Variants in TPD52 observed in about 807,000 individuals in gnomAD.
TPD52 encodes the protein tumor protein D52, also known as prostate and colon associated protein.
TPD52 carries 17 observed loss-of-function variants against 31.3 expected under a neutral mutation model. That is an observed-to-expected ratio of 0.54 (90% CI 0.37 to 0.82). TPD52 has a LOEUF of 0.82. Among genes scored for constraint, TPD52 ranks in the 40% least tolerant of loss-of-function variants. The probability of loss-of-function intolerance (pLI) is 0.00; values close to 1 mark genes in which losing one functional copy is unlikely to be tolerated. For missense variants in TPD52, 212 were observed against 240.1 expected (o/e 0.88, Z 0.77); for synonymous variants, 83 against 89.6 (o/e 0.93, Z 0.42).
At chr8:80,154,770 T>C (rs80328619) in intron 1 of TPD52, among the ~76,000 whole-genome samples, 1 of 149,648 alleles carries the variant, frequency 6.7e-6, no homozygotes, top group African/African-American at 2.5e-5. Flanking sequence ...CTACATTAGC[T>C]TTGAAGTAGC....
At position 80,086,435 on chromosome 8, in the gene TPD52, A is replaced by C. The variant is rs557913319; in HGVS notation, c.20-21842T>G. On this transcript the variant is annotated intron_variant, in intron 1 of 7. Transcript: ENST00000518937. ...CCTGACCGGAAGGTTCTAGTTTTTA[A>C]AAGAGGAGGGGCTGCATTCTTCAAA... 7.2e-5 allele frequency among the ~76,000 whole-genome samples: 11 copies of C among 151,998 alleles called. No individual in the cohort carries two copies. In the South Asian group the frequency reaches 2.3e-3, roughly 32 times the overall value.
intron 1 of TPD52, among the ~76,000 whole-genome samples, chr8:80,071,928 C>T (rs1443018168): frequency 6.6e-6 from 1 of 152,178 alleles, no homozygotes; most frequent in African/African-American, 2.4e-5. Context: ...GCACCTGCCC[C>T]ATCTCCTGCT....
chr8:80,080,220 A>T, intron 1 of TPD52: 2 of 1,103,042 alleles, frequency 1.8e-6, no homozygotes, highest in Non-Finnish European at 2.7e-6. Flanking sequence ...CCACCCTGGT[A>T]CATCTTTACA....
At chr8:80,148,464 TA>T (rs1245298261) in intron 1 of TPD52, among the ~76,000 whole-genome samples, 1 of 152,148 alleles carries the variant, frequency 6.6e-6, no homozygotes, top group Non-Finnish European at 1.5e-5. Context: ...CACCTGGCCC[TA>T]AATTGTTTTT....
In TPD52 at chr8:80,162,465, G is replaced by C. The variant is rs1385667541; in HGVS notation, c.19+8960C>G. 2.0e-5 allele frequency among the ~76,000 whole-genome samples: 3 copies of C among 151,952 alleles called. No individual in the cohort carries two copies. The East Asian group carries it at 5.8e-4, about 29-fold the overall frequency. On this transcript the variant is annotated intron_variant, in intron 1 of 7. Coordinates refer to ENST00000518937, the MANE Select transcript of TPD52 (RefSeq NM_001025253.3). ...ACATCTATAACCTCTCTAGGAAACA[G>C]ACAAATTGAAGCCTATAAGCTCTGT...
chr8:80,042,045 C>T (rs535759158), intron 7 of TPD52: 8 of 382,432 alleles, frequency 2.1e-5, no homozygotes, highest in African/African-American at 2.2e-5. Flanking sequence ...GCCAAGATCA[C>T]GCCACTGCAC....
chr8:80,142,006 A>G (rs1809864895), intron 1 of TPD52, among the ~76,000 whole-genome samples: 1 of 145,550 alleles, frequency 6.9e-6, no homozygotes, highest in Non-Finnish European at 1.5e-5. Flanking sequence ...TAGCCACACC[A>G]TCTTCATCTG....
intron 1 of TPD52, among the ~76,000 whole-genome samples, chr8:80,121,012 G>T (rs1399713854): frequency 6.6e-6 from 1 of 151,528 alleles, no homozygotes; most frequent in Non-Finnish European, 1.5e-5. Context: ...AACCAGGGAG[G>T]CAGAGGTTGC....
At chr8:80,086,227 C>T (rs1333826406) in intron 1 of TPD52, among the ~76,000 whole-genome samples, 2 of 148,118 alleles carry the variant, frequency 1.4e-5, no homozygotes, top group African/African-American at 5.0e-5. Context: ...AAGTGATTCT[C>T]CTAACCTCAG....
chr8:80,104,176 GAAGTT>G lies in TPD52; in HGVS notation c.20-39588_20-39584del, dbSNP rs1252842799. Among the ~76,000 whole-genome samples the G allele has an allele frequency of 2.0e-5, 3 of 152,144 alleles. No individual in the cohort carries two copies. The East Asian group carries it at 5.8e-4, about 29-fold the overall frequency. ...TCCAGCCACCATCCAGGAGTGTCCT[GAAGTT>G]AAGTCCTAACAAGCTCATCTAGCCG... On this transcript the variant is annotated intron_variant, in intron 1 of 7. Coordinates refer to ENST00000518937, the MANE Select transcript of TPD52 (RefSeq NM_001025253.3).
chr8:80,143,597 T>C (rs1809989227), intron 1 of TPD52, among the ~76,000 whole-genome samples: 1 of 152,232 alleles, frequency 6.6e-6, no homozygotes, highest in Non-Finnish European at 1.5e-5. Context: ...CTTCCTTACG[T>C]GCAGGAGCCA....
chr8:80,086,021 T>C (rs1586267706), intron 1 of TPD52, among the ~76,000 whole-genome samples: 1 of 151,754 alleles, frequency 6.6e-6, no homozygotes, highest in African/African-American at 2.4e-5. Flanking sequence ...ATGCAGAACC[T>C]GAATCGAATC....
intron 1 of TPD52, among the ~76,000 whole-genome samples, chr8:80,145,504 C>A (rs939156309): frequency 1.3e-5 from 2 of 152,202 alleles, no homozygotes; most frequent in Admixed American, 1.3e-4. Flanking sequence ...GGACTCAGCT[C>A]AGTGCTGGGC....
intron 1 of TPD52, among the ~76,000 whole-genome samples, chr8:80,167,264 A>G (rs1030685176): frequency 6.6e-6 from 1 of 152,372 alleles, no homozygotes; most frequent in African/African-American, 2.4e-5. Flanking sequence ...ATTAAGGCAG[A>G]AATAATTAAC....
intron 1 of TPD52, among the ~76,000 whole-genome samples, chr8:80,102,977 C>T (rs909355980): frequency 6.6e-6 from 1 of 152,200 alleles, no homozygotes; most frequent in Non-Finnish European, 1.5e-5. Flanking sequence ...TCCTGGAGAA[C>T]GGCATGCTCA....
intron 1 of TPD52, among the ~76,000 whole-genome samples, chr8:80,157,895 A>G (rs1221414815): frequency 6.6e-6 from 1 of 152,198 alleles, no homozygotes; most frequent in African/African-American, 2.4e-5. Context: ...ATTAAAATAC[A>G]TTTTGCATTA....
chr8:80,109,493 G>T (rs1807359666), intron 1 of TPD52, among the ~76,000 whole-genome samples: 1 of 152,078 alleles, frequency 6.6e-6, no homozygotes, highest in South Asian at 2.1e-4. Context: ...TGCAACCTCC[G>T]CCTCCCAGGT....
At chr8:80,154,706 TACACACACACACAC>T (rs36076685) in intron 1 of TPD52, among the ~76,000 whole-genome samples, 9 of 77,706 alleles carry the variant, frequency 1.2e-4, no homozygotes, top group African/African-American at 2.6e-4. Flanking sequence ...AATCATGACA[TACACACACACACAC>T]ACACACACAC....
chr8:80,042,688 A>C lies in TPD52; in HGVS notation c.456-20T>G. 1 of 1,598,908 alleles carries C rather than the reference A, an allele frequency of 6.3e-7. No homozygotes were observed. The highest frequency in any genetic ancestry group is 8.5e-7 in the Non-Finnish European group (1 of 1,173,356). Reference sequence around the variant, plus strand: ...GAGTTTCTATGGAGAGAAAAGAAAAACAAATAGTAAATACAAATACTGAAA... The same window carrying C: ...GAGTTTCTATGGAGAGAAAAGAAAACCAAATAGTAAATACAAATACTGAAA... On this transcript the variant is annotated intron_variant, in intron 6 of 7. Coordinates refer to ENST00000518937, the MANE Select transcript of TPD52 (RefSeq NM_001025253.3).
Sources: allele counts gnomAD v4.1 joint callset (sites outside exome capture counted in the v4.1 genomes callset), GRCh38; gene constraint gnomAD v4.1.1; transcripts MANE v1.5; gene names NCBI Gene and HGNC (gene_info 2026-07-23, HGNC 2026-07-21).